Variants in DNM2 observed in about 807,000 individuals in gnomAD.
DNM2 encodes dynamin 2, also known as dynamin-2.
A neutral mutation model predicts 99.0 loss-of-function variants in DNM2; 15 were observed. The observed-to-expected ratio is 0.15, with a 90% CI of 0.10 to 0.23. The LOEUF (loss-of-function observed/expected upper bound fraction) is 0.23. DNM2 is among the 10% of genes least tolerant of loss of function. The pLI, the probability that DNM2 is intolerant of heterozygous loss-of-function variation, is 1.00. For missense variants in DNM2, 742 were observed against 1,189.4 expected, an observed-to-expected ratio of 0.62 and a Z score of 5.53; for synonymous variants, 525 against 481.2, an observed-to-expected ratio of 1.09 and a Z score of -1.19.
rs2072578929 is a variant in DNM2, at chr19:10,812,344, T to G, written c.1638T>G (p.Thr546=). Residue 546 remains threonine (T), a synonymous_variant, in exon 15 of 21, where the codon ACT becomes ACG. Coordinates refer to ENST00000389253, the MANE Select transcript of DNM2 (RefSeq NM_001005361.3). This position sits in a 1 kb window ranked among gnomAD's most constrained non-coding sequence, Gnocchi z 4.0. Reference sequence around the variant, plus strand: ...CCAAGGAGTACTGGTTTGTGCTGACTGCCGAGTCACTGTCCTGGTACAAGG... The same window carrying G: ...CCAAGGAGTACTGGTTTGTGCTGACGGCCGAGTCACTGTCCTGGTACAAGG... ...GGSKEYWFVL[T]AESLSWYKDE... The G allele has an allele frequency of 6.2e-7, 1 of 1,610,400 alleles. No individual in the cohort carries two copies. Among genetic ancestry groups the G allele is most frequent in the African/African-American group, 1.3e-5 (1 of 74,826 alleles).
At chr19:10,798,181 C>T (rs2072005913) in intron 10 of DNM2, among the ~76,000 whole-genome samples, 1 of 152,160 alleles carries the variant, frequency 6.6e-6, no homozygotes, top group Non-Finnish European at 1.5e-5. Context: ...GGGGGGTGCC[C>T]TGAAGCCCTG....
intron 7 of DNM2, among the ~76,000 whole-genome samples, chr19:10,792,948 G>A (rs1051948920): frequency 3.9e-5 from 6 of 152,014 alleles, no homozygotes; most frequent in African/African-American, 1.4e-4. Context: ...TCACTGTGTT[G>A]CCCAGGGTGG....
Position 10,805,959 on chromosome 19 carries a change from C to T in DNM2, c.1537C>T (p.Pro513Ser). 1 of 1,614,192 alleles carries T rather than the reference C, an allele frequency of 6.2e-7. No individual in the cohort carries two copies. The highest frequency in any genetic ancestry group is 2.2e-5 in the East Asian group (1 of 44,884). The change falls in exon 13 of 21, where the codon CCC (proline) becomes TCC (serine). Residue 513 changes from proline (P) to serine (S), a missense_variant. Physicochemically the swap from Pro to Ser is moderately conservative, Grantham distance 74. Transcript: ENST00000389253. Reference protein sequence around the residue: ...STQLNKKRAIPNQGEILVIRR... With the variant: ...STQLNKKRAISNQGEILVIRR... ...GCAGCTGAACAAGAAGAGAGCCATCCCCAATCAGGTAGCACACCCCTCTGC... is the reference window on the plus strand; with the variant it reads ...GCAGCTGAACAAGAAGAGAGCCATCTCCAATCAGGTAGCACACCCCTCTGC...
In DNM2 at chr19:10,775,771, A is replaced by G; in HGVS notation, c.454A>G (p.Ile152Val). 10 of 1,614,138 alleles carry G rather than the reference A, an allele frequency of 6.2e-6. No homozygotes were observed. The highest frequency in any genetic ancestry group is 8.5e-6 in the Non-Finnish European group (10 of 1,180,034). ...GCCTGTGGGCGACCAGCCTCCAGAC[A>G]TCGAGTACCAGATCAAGGACATGAT... is the stretch of plus-strand genomic sequence containing the variant. Reference protein sequence around the residue: ...KVPVGDQPPDIEYQIKDMILQ... With the variant: ...KVPVGDQPPDVEYQIKDMILQ... Residue 152 changes from isoleucine to valine, a missense_variant, in exon 4 of 21, where the codon ATC becomes GTC. By Grantham distance (29) the Ile-to-Val change is conservative. Around this residue, in one of 7 missense-constraint regions of DNM2, gnomAD observed 192 missense variants for 358.9 expected, o/e 0.54. Transcript: ENST00000389253. The surrounding 1 kb of genome is among the most constrained non-coding windows in gnomAD (Gnocchi z 4.3).
intron 12 of DNM2, chr19:10,802,605 A>G (rs1440158663): frequency 2.6e-5 from 15 of 575,586 alleles, no homozygotes; most frequent in Admixed American, 9.8e-5. Flanking sequence ...GGGCAGTGCT[A>G]TGTTCAGATC....
At chr19:10,736,465 CCT>C (rs1303150927) in intron 1 of DNM2, among the ~76,000 whole-genome samples, 5 of 152,058 alleles carry the variant, frequency 3.3e-5, no homozygotes, top group African/African-American at 1.2e-4. Context: ...CCATGTGAGT[CCT>C]CTTTTTTCTT....
Position 10,829,233 on chromosome 19 carries a change from C to T in DNM2, c.2256C>T (p.Val752=), listed in dbSNP as rs751020224. The change falls in exon 19 of 21, where the codon GTC becomes GTT. Residue 752 remains valine, a synonymous_variant. Coordinates refer to ENST00000389253, the MANE Select transcript of DNM2 (RefSeq NM_001005361.3). ...STVSTPVPPP[V]DDTWLQSASS... ...TGTCCACGCCTGTACCCCCGCCTGTCGATGACACCTGGCTCCAGAGCGCCA... is the reference window on the plus strand; with the variant it reads ...TGTCCACGCCTGTACCCCCGCCTGTTGATGACACCTGGCTCCAGAGCGCCA... The T allele has an allele frequency of 2.5e-6, 4 of 1,613,924 alleles. No individual in the cohort carries two copies. Among genetic ancestry groups the T allele is most frequent in the East Asian group, 2.2e-5 (1 of 44,886 alleles).
intron 3 of DNM2, among the ~76,000 whole-genome samples, chr19:10,773,695 T>C (rs2071059047): frequency 6.6e-6 from 1 of 151,806 alleles, no homozygotes; most frequent in Non-Finnish European, 1.5e-5. Flanking sequence ...CTCGAACTCC[T>C]GAGCTCAGGC....
At chr19:10,789,057 G>A (rs1041960938) in intron 7 of DNM2, among the ~76,000 whole-genome samples, 2 of 152,194 alleles carry the variant, frequency 1.3e-5, no homozygotes, top group East Asian at 1.9e-4. Context: ...TCATAGCCGG[G>A]GATGGTGGTG....
Position 10,811,410 on chromosome 19 carries a change from C to G in DNM2, c.1558-854C>G. 1 of 295,660 alleles carries G rather than the reference C, an allele frequency of 3.4e-6. No individual in the cohort carries two copies. The highest frequency in any genetic ancestry group is 2.9e-5 in the South Asian group (1 of 35,086). The allele number at this position is 295,660 out of a possible 1,614,324, so 18.3% of individuals were successfully genotyped here. On this transcript the variant is annotated intron_variant, in intron 14 of 20. Transcript: ENST00000389253. This position sits in a 1 kb window ranked among gnomAD's most constrained non-coding sequence, Gnocchi z 5.4. ...CCCATCTCTGGCGCTCCTGCCGTGC[C>G]GTGCCCTGCCATGCCCTGCACTGGG...
At chr19:10,794,068 C>T (rs1372704371) in intron 8 of DNM2, among the ~76,000 whole-genome samples, 2 of 152,160 alleles carry the variant, frequency 1.3e-5, no homozygotes, top group African/African-American at 4.8e-5. Context: ...ATGAAAACCC[C>T]TGTGTTTTTC....
At position 10,739,765 on chromosome 19, in the gene DNM2, G is replaced by A. The variant is rs150710169; in HGVS notation, c.162-19973G>A. ...CAGCTACTCTGGGTGGCTGAGGCAC[G>A]AGAATCTCTTGAACCTGGGGGGCAA... is the stretch of plus-strand genomic sequence containing the variant. On this transcript the variant is annotated intron_variant, in intron 1 of 20. Transcript: ENST00000389253. Among the ~76,000 whole-genome samples the A allele has an allele frequency of 3.7e-3, 558 of 148,948 alleles. 3 individuals are homozygous for A. The highest frequency in any genetic ancestry group is 0.013 in the African/African-American group (507 of 40,368).
chr19:10,795,917 G>T lies in DNM2; in HGVS notation c.1196+478G>T. 2 of 1,386,834 alleles carry T rather than the reference G, an allele frequency of 1.4e-6. No individual in the cohort carries two copies. The highest frequency in any genetic ancestry group is 2.0e-6 in the Non-Finnish European group (2 of 989,024). 85.9% of individuals were successfully genotyped at this position (1,386,834 alleles called of 1,614,324 possible). A position where few individuals can be genotyped will look rare whatever the true frequency, so the allele number is the denominator to read the frequency against. ...TCCTCGGGTCACCCTGAGGGTTTCC[G>T]GGCAGTGGACTCAGGCATCCGACCC... On this transcript the variant is annotated intron_variant, in intron 9 of 20. Transcript: ENST00000389253. This position sits in a 1 kb window ranked among gnomAD's most constrained non-coding sequence, Gnocchi z 4.2.
chr19:10,735,544 C>T (rs990799266), intron 1 of DNM2, among the ~76,000 whole-genome samples: 3 of 151,762 alleles, frequency 2.0e-5, no homozygotes, highest in South Asian at 2.1e-4. Flanking sequence ...TGGAGAGTCT[C>T]GCTCTGTCAT....
chr19:10,729,164 CAAAAAAAAAA>C (rs919370114), intron 1 of DNM2, among the ~76,000 whole-genome samples: 1,863 of 44,402 alleles, frequency 0.042, 44 homozygotes, highest in African/African-American at 0.14. Context: ...GACTCCGTCT[CAAAAAAAAAA>C]AAAAAAAAAA....
rs2071952769 is a variant in DNM2, at chr19:10,796,831, C to T, written c.1197-549C>T. Among the ~76,000 whole-genome samples, 1 of 152,124 alleles carries T rather than the reference C, an allele frequency of 6.6e-6. No homozygotes were observed. The highest frequency in any genetic ancestry group is 2.4e-5 in the African/African-American group (1 of 41,430). ...ACTCAGCAGGACGCGCCGGGCTCCC[C>T]CAACCCGCGCCAACGCCGCGGGCCT... On this transcript the variant is annotated intron_variant, in intron 9 of 20. Coordinates refer to ENST00000389253, the MANE Select transcript of DNM2 (RefSeq NM_001005361.3). The surrounding 1 kb of genome is among the most constrained non-coding windows in gnomAD (Gnocchi z 5.6).
At chr19:10,778,782 C>T (rs921685307) in intron 5 of DNM2, among the ~76,000 whole-genome samples, 1 of 152,150 alleles carries the variant, frequency 6.6e-6, no homozygotes, top group African/African-American at 2.4e-5. Flanking sequence ...TGGAAGAAAC[C>T]AGACCACATC....
In DNM2 at chr19:10,767,742, C is replaced by T. The variant is rs137927170; in HGVS notation, c.236-4737C>T. ...CTAACATGGTGAAACCTCATCTTTACTAAAAATATACAAATTAGCCAGGCG... is the reference window on the plus strand; with the variant it reads ...CTAACATGGTGAAACCTCATCTTTATTAAAAATATACAAATTAGCCAGGCG... On this transcript the variant is annotated intron_variant, in intron 2 of 20. Transcript: ENST00000389253. Among the ~76,000 whole-genome samples the T allele has an allele frequency of 1.6e-4, 25 of 152,274 alleles. No homozygotes were observed. The East Asian group carries it at 4.9e-3, about 30-fold the overall frequency.
rs1568307108 is a variant in DNM2 at position 10,798,557 on chromosome 19, G to A, written c.1407G>A (p.Gly469=). ...IVTTYIRERE[G]RTKDQILLLI... is the part of the protein sequence containing the mutation. ...CCACTTACATCCGGGAACGGGAGGG[G>A]AGAACGAAGGACCAGGTACTGGCCT... Residue 469 remains glycine (G), a synonymous_variant, in exon 11 of 21, where the codon GGG becomes GGA. Transcript: ENST00000389253. 1.2e-6 allele frequency: 2 copies of A among 1,614,244 alleles called. No individual in the cohort carries two copies. Among genetic ancestry groups the A allele is most frequent in the Non-Finnish European group, 1.7e-6 (2 of 1,180,038 alleles).
Sources: allele counts gnomAD v4.1 joint callset (sites outside exome capture counted in the v4.1 genomes callset), GRCh38; gene constraint gnomAD v4.1.1; regional missense constraint gnomAD v4.1.1; non-coding constraint Gnocchi (gnomAD v3.1); transcripts MANE v1.5; gene names NCBI Gene and HGNC (gene_info 2026-07-23, HGNC 2026-07-21).